The following FAM184A variants were observed in gnomAD, a reference collection of about 807,000 sequenced individuals.
The protein encoded by FAM184A is protein FAM184A.
A neutral mutation model predicts 143.8 loss-of-function variants in FAM184A; 99 were observed. That is an observed-to-expected ratio of 0.69 (90% CI 0.58 to 0.81). The LOEUF (loss-of-function observed/expected upper bound fraction) is 0.81. FAM184A is among the 40% of genes least tolerant of loss of function. The pLI, the probability that FAM184A is intolerant of heterozygous loss-of-function variation, is 0.00. For synonymous variants in FAM184A, 427 were observed against 446.4 expected, an observed-to-expected ratio of 0.96 and a Z score of 0.55; for missense variants, 1,217 against 1,310.5, an observed-to-expected ratio of 0.93 and a Z score of 1.10.
chr6:119,020,308 A>G lies in FAM184A; in HGVS notation c.1151-149T>C, dbSNP rs1785399208. On this transcript the variant is annotated intron_variant, in intron 3 of 17. Coordinates refer to ENST00000338891, the MANE Select transcript of FAM184A (RefSeq NM_024581.6). ...TTTTCCTTTTGTTTCTTCACTACAT[A>G]AAATGGAAATATTTACATGAAAATA... The G allele has an allele frequency of 1.8e-5, 9 of 491,610 alleles. No homozygotes were observed. In the East Asian group the frequency reaches 3.1e-4, roughly 17 times the overall value. 30.5% of individuals were successfully genotyped at this position (491,610 alleles called of 1,614,324 possible).
intron 1 of FAM184A, among the ~76,000 whole-genome samples, chr6:119,127,066 C>A (rs1205165345): frequency 6.6e-6 from 1 of 152,106 alleles, no homozygotes; most frequent in East Asian, 1.9e-4. Context: ...GTGGGTGGGA[C>A]AGGCCATGGG....
At chr6:119,069,244 A>G (rs1245327360) in intron 1 of FAM184A, 1 of 189,418 alleles carries the variant, frequency 5.3e-6, no homozygotes, top group Non-Finnish European at 1.2e-5. Flanking sequence ...AGACCTATAT[A>G]TTCTACTTCG....
At chr6:119,006,319 G>C in intron 7 of FAM184A, 128 bp downstream of exon 7, 1 of 917,188 alleles carries the variant, frequency 1.1e-6, no homozygotes, top group Non-Finnish European at 1.7e-6. Flanking sequence ...GTAGTACTTT[G>C]TTATGGTAGT....
chr6:119,003,035 T>G lies in FAM184A; in HGVS notation c.1952A>C (p.Lys651Thr). 1 of 1,603,930 alleles carries G rather than the reference T, an allele frequency of 6.2e-7. No individual in the cohort carries two copies. The highest frequency in any genetic ancestry group is 8.5e-7 in the Non-Finnish European group (1 of 1,177,404). ...TTGAAGCCTTAACTCTTCACGAAGT[T>G]TAGAACACTCTTGTCTAAAATAAAA... ...WTENLRQECS[K>T]LREELRLQHE... Residue 651 changes from lysine (K) to threonine (T), a missense_variant, in exon 9 of 18, where the codon AAA becomes ACA. Transcript: ENST00000338891.
At chr6:119,094,043 C>T (rs1192079030) in intron 1 of FAM184A, among the ~76,000 whole-genome samples, 1 of 128,636 alleles carries the variant, frequency 7.8e-6, no homozygotes, top group Non-Finnish European at 1.6e-5. Flanking sequence ...TTTCTTCCTT[C>T]CTTCCTTCCT....
intron 1 of FAM184A, among the ~76,000 whole-genome samples, chr6:119,037,271 C>T (rs1046185927): frequency 6.6e-6 from 1 of 152,104 alleles, no homozygotes; most frequent in Non-Finnish European, 1.5e-5. Flanking sequence ...AATTAAATAT[C>T]ATAGTTTGAC....
At chr6:119,089,831 T>A (rs193199608) in intron 1 of FAM184A, among the ~76,000 whole-genome samples, 4 of 152,350 alleles carry the variant, frequency 2.6e-5, no homozygotes, top group East Asian at 1.9e-4. Flanking sequence ...GGTTTCTTGC[T>A]ATGTGCTTCT....
chr6:119,025,762 C>T (rs1785611933), intron 1 of FAM184A, among the ~76,000 whole-genome samples: 1 of 152,188 alleles, frequency 6.6e-6, no homozygotes, highest in South Asian at 2.1e-4. Flanking sequence ...GAAGTAAACA[C>T]TGTACAATCA....
chr6:118,977,950 C>T (rs1168008528), intron 11 of FAM184A, among the ~76,000 whole-genome samples: 1 of 152,062 alleles, frequency 6.6e-6, no homozygotes, highest in African/African-American at 2.4e-5. Flanking sequence ...TCAACAAAGA[C>T]ATATTTTATT....
At chr6:119,016,181 C>A (rs577797519) in intron 5 of FAM184A, among the ~76,000 whole-genome samples, 67 of 152,238 alleles carry the variant, frequency 4.4e-4, no homozygotes, top group African/African-American at 1.6e-3. Flanking sequence ...CACCAATCAG[C>A]GCCCTGACAA....
chr6:118,978,901 T>C (rs1185291440), intron 11 of FAM184A, among the ~76,000 whole-genome samples: 1 of 152,232 alleles, frequency 6.6e-6, no homozygotes, highest in Admixed American at 6.5e-5. Context: ...TTATAAAAAG[T>C]AATGATGTGA....
At position 118,974,568 on chromosome 6, in the gene FAM184A, A is replaced by G. The variant is rs777576260; in HGVS notation, c.2775T>C (p.His925=). 1.3e-6 allele frequency: 2 copies of G among 1,594,776 alleles called. No homozygotes were observed. Among genetic ancestry groups the G allele is most frequent in the Admixed American group, 1.8e-5 (1 of 56,424 alleles). The change falls in exon 14 of 18, where the codon CAT becomes CAC. Residue 925 remains histidine (H), a synonymous_variant. Coordinates refer to ENST00000338891, the MANE Select transcript of FAM184A (RefSeq NM_024581.6). The part of the protein sequence containing the change: ...RSESNQQIRL[H]EQDLNKRLEK... Reference sequence around the variant, plus strand: ...CAAGTCTCTTGTTTAAATCTTGTTCATGCAACCTGTTTGATTTATTTTTAG... The same window carrying G: ...CAAGTCTCTTGTTTAAATCTTGTTCGTGCAACCTGTTTGATTTATTTTTAG...
At chr6:119,068,369 A>G (rs566084913) in intron 1 of FAM184A, among the ~76,000 whole-genome samples, 5 of 152,222 alleles carry the variant, frequency 3.3e-5, no homozygotes, top group Admixed American at 1.3e-4. Flanking sequence ...CTTTATTGTT[A>G]AAGAGTATGT....
At chr6:119,034,833 C>G (rs923686858) in intron 1 of FAM184A, among the ~76,000 whole-genome samples, 10 of 152,266 alleles carry the variant, frequency 6.6e-5, no homozygotes, top group African/African-American at 1.9e-4. Flanking sequence ...TTCCCCCAAC[C>G]CTATGCTAAA....
chr6:119,128,841 G>C (rs1196414183), intron 1 of FAM184A, among the ~76,000 whole-genome samples: 1 of 151,990 alleles, frequency 6.6e-6, no homozygotes, highest in South Asian at 2.1e-4. Context: ...GGATGGGGGA[G>C]GGGCCCTGGA....
At chr6:119,124,557 C>T (rs1357575404) in intron 1 of FAM184A, among the ~76,000 whole-genome samples, 5 of 152,018 alleles carry the variant, frequency 3.3e-5, no homozygotes, top group Non-Finnish European at 7.4e-5. Context: ...ATTAAAAAGA[C>T]CATTATATGC....
chr6:119,142,707 G>A (rs1260452823), intron 1 of FAM184A, among the ~76,000 whole-genome samples: 1 of 152,166 alleles, frequency 6.6e-6, no homozygotes, highest in East Asian at 1.9e-4. Flanking sequence ...AGACCTCCTG[G>A]AGGAGGAGTG....
At chr6:119,083,064 C>T (rs1315907098), upstream of FAM184A, among the ~76,000 whole-genome samples, 2 of 152,238 alleles carry the variant, frequency 1.3e-5, no homozygotes, top group Admixed American at 6.5e-5. Context: ...GCAGGCCCAA[C>T]ACCATGTGTA....
At chr6:118,991,010 G>A (rs965430362) in intron 9 of FAM184A, among the ~76,000 whole-genome samples, 3 of 151,784 alleles carry the variant, frequency 2.0e-5, no homozygotes, top group Admixed American at 6.6e-5. Context: ...ATCTCACCCT[G>A]TATAAATTTT....
Sources: allele counts gnomAD v4.1 joint callset (sites outside exome capture counted in the v4.1 genomes callset), GRCh38; gene constraint gnomAD v4.1.1; transcripts MANE v1.5; gene names NCBI Gene and HGNC (gene_info 2026-07-23, HGNC 2026-07-21).